The following COL4A4 variants were observed in gnomAD, a reference collection of about 807,000 sequenced individuals.
The protein encoded by COL4A4 is collagen alpha-4(IV) chain.
Under a neutral mutation model 192.9 loss-of-function variants are expected in COL4A4, and 105 were observed. The observed-to-expected ratio is 0.54, with a 90% CI of 0.46 to 0.64. The LOEUF (loss-of-function observed/expected upper bound fraction) is 0.64, where lower values mean the gene tolerates loss of function less well. Among genes scored for constraint, COL4A4 ranks in the 30% least tolerant of loss-of-function variants. The pLI is 0.00. For synonymous variants in COL4A4, 762 were observed against 769.9 expected (o/e 0.99, Z 0.17); for missense variants, 1,967 against 2,169.3 (o/e 0.91, Z 1.85).
intron 7 of COL4A4, among the ~76,000 whole-genome samples, chr2:227,115,334 G>A (rs1456765492): frequency 3.4e-5 from 5 of 146,634 alleles, no homozygotes; most frequent in African/African-American, 5.1e-5. Flanking sequence ...GCAGTGGCGC[G>A]ATCTCTGCTC....
chr2:227,053,739 G>T (rs569396658), intron 31 of COL4A4, among the ~76,000 whole-genome samples: 1,720 of 151,992 alleles, frequency 0.011, 31 homozygotes, highest in African/African-American at 0.04. Context: ...AGTAGAGACA[G>T]GGTTTCGCCG....
intron 25 of COL4A4, among the ~76,000 whole-genome samples, chr2:227,064,288 A>G (rs941154391): frequency 6.6e-6 from 1 of 152,224 alleles, no homozygotes; most frequent in Non-Finnish European, 1.5e-5. Flanking sequence ...GAAAGTTTTA[A>G]CAATAGACTA....
At chr2:227,000,976 A>G (rs1299248382), downstream of COL4A4, among the ~76,000 whole-genome samples, 1 of 152,138 alleles carries the variant, frequency 6.6e-6, no homozygotes, top group Non-Finnish European at 1.5e-5. Context: ...AGGCACGTGG[A>G]ATTGTAAGTC....
chr2:227,017,591 C>A (rs1008805324), intron 44 of COL4A4, among the ~76,000 whole-genome samples: 1 of 152,164 alleles, frequency 6.6e-6, no homozygotes, highest in African/African-American at 2.4e-5. Flanking sequence ...GAGGGCCGCC[C>A]TGGAAGGAAA....
Position 227,040,386 on chromosome 2 carries a change from C to G in COL4A4, c.3505+1762G>C, listed in dbSNP as rs150754658. On this transcript the variant is annotated intron_variant, in intron 37 of 47. Transcript: ENST00000396625. ...TCAGATATTCATTCTCCTATTTGTC[C>G]ATTCATTCATACCACCAACCAATAT... is the stretch of plus-strand genomic sequence containing the variant. Among the ~76,000 whole-genome samples the G allele has an allele frequency of 4.1e-3, 620 of 152,202 alleles. 4 individuals are homozygous for G. The highest frequency in any genetic ancestry group is 0.014 in the African/African-American group (590 of 41,508).
At chr2:227,142,097 C>CAAA (rs531488311) in intron 3 of COL4A4, among the ~76,000 whole-genome samples, 3 of 118,932 alleles carry the variant, frequency 2.5e-5, no homozygotes, top group East Asian at 5.4e-4. Flanking sequence ...TTAGTAGATT[C>CAAA]AAAAAAAAAA....
chr2:227,052,223 T>G, intron 32 of COL4A4, 82 bp downstream of exon 32: 8 of 849,586 alleles, frequency 9.4e-6, no homozygotes, highest in African/African-American at 1.7e-5. Context: ...AATCTCAGTG[T>G]TATTGGGGAA....
rs191954827 is a variant in COL4A4, at chr2:227,059,311, C to T, written c.2383+94G>A. 200 of 1,061,784 alleles carry T rather than the reference C, an allele frequency of 1.9e-4. 1 individual carries two copies. The highest frequency in any genetic ancestry group is 1.8e-3 in the East Asian group (75 of 42,416). The allele number at this position is 1,061,784 out of a possible 1,614,324, so 65.8% of individuals were successfully genotyped here. On this transcript the variant is annotated intron_variant, in intron 28 of 47. Coordinates refer to ENST00000396625, the MANE Select transcript of COL4A4 (RefSeq NM_000092.5). Reference sequence around the variant, plus strand: ...ACTTGGGTAAACTGTTTATATTCTACATGCCTAAAGCAAAATAATCTAAAC... The same window carrying T: ...ACTTGGGTAAACTGTTTATATTCTATATGCCTAAAGCAAAATAATCTAAAC...
chr2:227,111,648 A>C (rs751831300), intron 9 of COL4A4, 30 bp downstream of exon 9: 1 of 1,612,178 alleles, frequency 6.2e-7, no homozygotes, highest in South Asian at 1.1e-5. Flanking sequence ...AGGAGGAAAT[A>C]GAAGCATAGA....
chr2:227,134,175 G>T (rs988007884), intron 4 of COL4A4, among the ~76,000 whole-genome samples: 1 of 152,024 alleles, frequency 6.6e-6, no homozygotes, highest in Non-Finnish European at 1.5e-5. Context: ...CAAATGCACC[G>T]TCCAGCTCCT....
At position 227,147,477 on chromosome 2, in the gene COL4A4, A is replaced by T. The variant is rs755957159; in HGVS notation, c.7T>A (p.Ser3Thr). ...CACCTCATTAGTACTATGTGCAGAG[A>T]CCACATCGCAGGCAAGTCTTAGTAC... MW[S>T]LHIVLMRCSF... Residue 3 changes from serine to threonine, a missense_variant, in exon 2 of 48, where the codon TCT (serine) becomes ACT (threonine). By Grantham distance (58) the Ser-to-Thr change is moderately conservative. Transcript: ENST00000396625. 6 of 1,613,558 alleles carry T rather than the reference A, an allele frequency of 3.7e-6. No homozygotes were observed. The highest frequency in any genetic ancestry group is 5.1e-6 in the Non-Finnish European group (6 of 1,179,732).
At chr2:227,031,415 C>T (rs541328177) in intron 40 of COL4A4, among the ~76,000 whole-genome samples, 1 of 152,222 alleles carries the variant, frequency 6.6e-6, no homozygotes, top group Non-Finnish European at 1.5e-5. Context: ...CTAGCCTAAA[C>T]CTACTTGGTC....
In COL4A4 at chr2:227,103,981, T is replaced by C; in HGVS notation, c.807A>G (p.Lys269=). Residue 269 remains lysine (K), a synonymous_variant, in exon 13 of 48, where the codon AAA becomes AAG. Transcript: ENST00000396625. ...LVEPPDFCLY[K]GEKGIKGIPG... The stretch of plus-strand genomic sequence containing the variant: ...TGGATTTGGGAATTACCTTTTCTCC[T>C]TTATAGAGACAAAAGTCAGGTGGCT... The C allele has an allele frequency of 6.2e-7, 1 of 1,613,018 alleles. No homozygotes were observed. Among genetic ancestry groups the C allele is most frequent in the Non-Finnish European group, 8.5e-7 (1 of 1,179,360 alleles).
At chr2:227,162,142 G>C (rs1408561681) in intron 1 of COL4A4, among the ~76,000 whole-genome samples, 2 of 152,188 alleles carry the variant, frequency 1.3e-5, no homozygotes, top group African/African-American at 4.8e-5. Flanking sequence ...GTCTACTCCA[G>C]AGGTCAAGCT....
intron 10 of COL4A4, 75 bp downstream of exon 10, chr2:227,109,149 A>T: frequency 7.1e-7 from 1 of 1,413,416 alleles, no homozygotes; most frequent in Non-Finnish European, 1.0e-6. Context: ...TCTGACCCAA[A>T]ATGGCAATGT....
chr2:226,995,561 A>T, the COL4A4 span: 5 of 1,384,812 alleles, frequency 3.6e-6, no homozygotes, highest in Non-Finnish European at 1.0e-6. Context: ...TCGTGTAATT[A>T]TTGCCCATTT....
intron 20 of COL4A4, 130 bp downstream of exon 20, chr2:227,093,995 A>G (rs1057192510): frequency 3.6e-6 from 3 of 835,322 alleles, no homozygotes; most frequent in African/African-American, 1.7e-5. Flanking sequence ...TTGTTTGTAA[A>G]AGACAACCAA....
chr2:227,122,792 G>A (rs905563018), intron 4 of COL4A4, among the ~76,000 whole-genome samples: 2 of 152,204 alleles, frequency 1.3e-5, no homozygotes, highest in African/African-American at 2.4e-5. Flanking sequence ...GCACCTTGAC[G>A]AGAAGAAACA....
intron 2 of COL4A4, among the ~76,000 whole-genome samples, chr2:227,146,340 A>T (rs1281417648): frequency 1.3e-5 from 2 of 150,150 alleles, no homozygotes; most frequent in African/African-American, 2.5e-5. Context: ...CATTTCTTCC[A>T]CGTCCACCCC....
Sources: gnomAD v4.1 joint callset for allele counts (sites outside exome capture counted in the v4.1 genomes callset) on GRCh38, gnomAD v4.1.1 for gene constraint, MANE v1.5 for transcripts, NCBI Gene and HGNC (gene_info 2026-07-23, HGNC 2026-07-21) for gene names.